The following NDST3 variants were observed in gnomAD, a reference collection of about 807,000 sequenced individuals.
NDST3 encodes bifunctional heparan sulfate N-deacetylase/N-sulfotransferase 3.
Under a neutral mutation model 96.1 loss-of-function variants are expected in NDST3, and 58 were observed. The ratio of observed to expected loss-of-function variants is 0.60; its 90% CI spans 0.49 to 0.75. The LOEUF (loss-of-function observed/expected upper bound fraction) is 0.75, where lower values mean the gene tolerates loss of function less well. NDST3 is among the 30% of genes least tolerant of loss of function. The pLI is 0.00. For missense variants in NDST3, 788 were observed against 1,034.2 expected, an observed-to-expected ratio of 0.76 and a Z score of 3.27; for synonymous variants, 333 against 359.7, an observed-to-expected ratio of 0.93 and a Z score of 0.84.
At chr4:118,214,740 A>G (rs1739084448) in intron 6 of NDST3, among the ~76,000 whole-genome samples, 2 of 152,166 alleles carry the variant, frequency 1.3e-5, no homozygotes, top group Non-Finnish European at 2.9e-5. Context: ...GAGTTATAAA[A>G]GAGAGTGCAT....
intron 3 of NDST3, among the ~76,000 whole-genome samples, chr4:118,106,179 A>T (rs915708730): frequency 6.6e-6 from 1 of 152,126 alleles, no homozygotes; most frequent in Non-Finnish European, 1.5e-5. Flanking sequence ...TTACAGTTCC[A>T]TGTGTTCCAA....
chr4:118,088,532 A>C lies in NDST3; in HGVS notation c.982-16486A>C, dbSNP rs561990473. ...CTTCTCACAGTACCAGGATACCTGA[A>C]GAAACAACACTTCACTCCTAGTCTA... On this transcript the variant is annotated intron_variant, in intron 2 of 13. Transcript: ENST00000296499. Among the ~76,000 whole-genome samples the C allele has an allele frequency of 3.9e-5, 6 of 152,202 alleles. No homozygotes were observed. The South Asian group carries it at 1.2e-3, about 32-fold the overall frequency.
intron 4 of NDST3, among the ~76,000 whole-genome samples, chr4:118,117,793 C>T (rs1403555583): frequency 6.6e-6 from 1 of 152,030 alleles, no homozygotes; most frequent in East Asian, 1.9e-4. Context: ...AAAGTGTGCC[C>T]CCTGCCGAGG....
At chr4:118,118,427 T>G (rs1418959257) in intron 4 of NDST3, among the ~76,000 whole-genome samples, 4 of 152,178 alleles carry the variant, frequency 2.6e-5, no homozygotes, top group Admixed American at 6.5e-5. Context: ...ATCTAAAACT[T>G]TTGGGTTTCG....
chr4:118,184,392 C>G (rs987027774), intron 6 of NDST3, among the ~76,000 whole-genome samples: 1 of 151,982 alleles, frequency 6.6e-6, no homozygotes, highest in African/African-American at 2.4e-5. Flanking sequence ...TACTTAAAAG[C>G]CTTAATAGAA....
At chr4:118,089,479 G>A (rs977377997) in intron 2 of NDST3, among the ~76,000 whole-genome samples, 13 of 151,880 alleles carry the variant, frequency 8.6e-5, no homozygotes, top group Non-Finnish European at 1.6e-4. Context: ...AGGTAAAATC[G>A]TGGCATCTTT....
intron 2 of NDST3, among the ~76,000 whole-genome samples, chr4:118,075,271 G>GCCA (rs1259102816): frequency 6.6e-6 from 1 of 152,158 alleles, no homozygotes; most frequent in African/African-American, 2.4e-5. Context: ...GTGTATATGT[G>GCCA]CCACAATTTC....
intron 2 of NDST3, among the ~76,000 whole-genome samples, chr4:118,096,031 C>T (rs1729270989): frequency 6.6e-6 from 1 of 151,888 alleles, no homozygotes; most frequent in African/African-American, 2.4e-5. Flanking sequence ...CAACCATGAA[C>T]ATGTATGTAG....
chr4:118,130,524 GAA>G (rs1418043144), intron 4 of NDST3, among the ~76,000 whole-genome samples: 1 of 151,926 alleles, frequency 6.6e-6, no homozygotes, highest in Non-Finnish European at 1.5e-5. Flanking sequence ...TTTATATCTT[GAA>G]AAGTTTTTGT....
chr4:118,125,426 A>G (rs1731968380), intron 4 of NDST3, among the ~76,000 whole-genome samples: 1 of 152,128 alleles, frequency 6.6e-6, no homozygotes, highest in South Asian at 2.1e-4. Flanking sequence ...ACCAAAATTT[A>G]TATTATAAAT....
At chr4:118,089,262 G>C (rs1253943969) in intron 2 of NDST3, among the ~76,000 whole-genome samples, 1 of 151,804 alleles carries the variant, frequency 6.6e-6, no homozygotes, top group Non-Finnish European at 1.5e-5. Flanking sequence ...ATGGTATGCA[G>C]ACAGTAATGT....
rs570130151 is a variant in NDST3, at chr4:118,257,904, T to C, written c.*2192T>C. The C allele has an allele frequency of 1.3e-5, 2 of 152,240 alleles. No individual in the cohort carries two copies. Among genetic ancestry groups the C allele is most frequent in the South Asian group, 4.1e-4 (2 of 4,824 alleles). The allele number at this position is 152,240 out of a possible 1,614,324, so 9.4% of individuals were successfully genotyped here. A position where few individuals can be genotyped will look rare whatever the true frequency, so the allele number is the denominator to read the frequency against. ...CTATAGTCTTCCATCTCCACCAACT[T>C]AAGAAAACTGGCTTAGGAAGGTTAA... On this transcript the variant is annotated 3_prime_UTR_variant, in exon 14 of 14. Coordinates refer to ENST00000296499, the MANE Select transcript of NDST3 (RefSeq NM_004784.3).
chr4:118,074,730 C>A (rs1298739096), intron 2 of NDST3, among the ~76,000 whole-genome samples: 1 of 151,922 alleles, frequency 6.6e-6, no homozygotes, highest in Non-Finnish European at 1.5e-5. Flanking sequence ...GGAATTTAGC[C>A]CATTTATATT....
intron 6 of NDST3, among the ~76,000 whole-genome samples, chr4:118,186,563 CCTG>C (rs1736978302): frequency 6.6e-6 from 1 of 152,204 alleles, no homozygotes; most frequent in African/African-American, 2.4e-5. Context: ...CGTTGTTCTG[CCTG>C]CTTTTATTCT....
At chr4:118,214,829 C>T (rs930798045) in intron 6 of NDST3, among the ~76,000 whole-genome samples, 2 of 151,996 alleles carry the variant, frequency 1.3e-5, no homozygotes, top group Non-Finnish European at 2.9e-5. Context: ...GGCTTGATAA[C>T]CATAGGAACA....
intron 6 of NDST3, among the ~76,000 whole-genome samples, chr4:118,183,561 T>C (rs1039213589): frequency 5.3e-5 from 8 of 152,132 alleles, no homozygotes; most frequent in Non-Finnish European, 1.2e-4. Flanking sequence ...AGAACTCCTA[T>C]CATTTGGGAA....
intron 1 of NDST3, among the ~76,000 whole-genome samples, chr4:118,038,920 G>A (rs1271100688): frequency 2.0e-5 from 3 of 152,086 alleles, no homozygotes; most frequent in Non-Finnish European, 4.4e-5. Flanking sequence ...GGGTGTTAGT[G>A]GAAGAGAAAA....
chr4:118,157,065 C>T (rs568357853), intron 6 of NDST3, among the ~76,000 whole-genome samples: 14 of 152,064 alleles, frequency 9.2e-5, no homozygotes, highest in Non-Finnish European at 2.1e-4. Context: ...ACAACCTAAA[C>T]ATCCATCCAT....
intron 6 of NDST3, among the ~76,000 whole-genome samples, chr4:118,160,301 T>C (rs997695652): frequency 6.6e-6 from 1 of 152,128 alleles, no homozygotes; most frequent in Non-Finnish European, 1.5e-5. Context: ...GAGAATACTA[T>C]AGCCTGCAAA....
Sources: allele counts gnomAD v4.1 joint callset (sites outside exome capture counted in the v4.1 genomes callset), GRCh38; gene constraint gnomAD v4.1.1; transcripts MANE v1.5; gene names NCBI Gene and HGNC (gene_info 2026-07-23, HGNC 2026-07-21).